Variants in MTCL2 observed in about 807,000 individuals in gnomAD.
MTCL2 encodes microtubule cross-linking factor 2.
the MTCL2 span, chr20:36,784,364 G>A: frequency 1.0e-6 from 1 of 985,870 alleles, no homozygotes; most frequent in African/African-American, 1.7e-5. Flanking sequence ...TCAGCCTGCA[G>A]GGAAGGGAGA....
chr20:36,836,892 G>A, the MTCL2 span, among the ~76,000 whole-genome samples: 1 of 152,178 alleles, frequency 6.6e-6, no homozygotes, highest in Non-Finnish European at 1.5e-5. Context: ...CCTGGAACAG[G>A]CACTCCTGTT....
the MTCL2 span, among the ~76,000 whole-genome samples, chr20:36,854,967 C>T: frequency 1.3e-5 from 2 of 152,098 alleles, no homozygotes. Flanking sequence ...TTTGGGGGTG[C>T]CCAAAATGCA....
chr20:36,801,787 G>A, the MTCL2 span, among the ~76,000 whole-genome samples: 3 of 147,906 alleles, frequency 2.0e-5, no homozygotes, highest in Non-Finnish European at 3.0e-5. Context: ...CCAACATGGT[G>A]AACCCCATCT....
chr20:36,796,028 C>G, the MTCL2 span, among the ~76,000 whole-genome samples: 1 of 152,180 alleles, frequency 6.6e-6, no homozygotes, highest in Non-Finnish European at 1.5e-5. Context: ...CTTTTATCGG[C>G]TGCTTTCCCT....
chr20:36,828,002 TG>T, the MTCL2 span, among the ~76,000 whole-genome samples: 2 of 152,068 alleles, frequency 1.3e-5, no homozygotes, highest in Non-Finnish European at 2.9e-5. Flanking sequence ...ACACACCCAG[TG>T]GGAAGGATGG....
At chr20:36,827,422 G>A in the MTCL2 span, among the ~76,000 whole-genome samples, 2 of 145,348 alleles carry the variant, frequency 1.4e-5, no homozygotes, top group Non-Finnish European at 3.0e-5. Context: ...GGAGTGCAGT[G>A]GTGCGATCTC....
the MTCL2 span, chr20:36,805,797 G>A: frequency 7.0e-7 from 1 of 1,423,772 alleles, no homozygotes; most frequent in Non-Finnish European, 9.5e-7. Flanking sequence ...ATTGATTACT[G>A]AGCAGACAAA....
the MTCL2 span, among the ~76,000 whole-genome samples, chr20:36,852,900 T>C: frequency 6.6e-6 from 1 of 151,128 alleles, no homozygotes; most frequent in Non-Finnish European, 1.5e-5. Context: ...CTACTAAAAA[T>C]ACAAAAATTA....
chr20:36,803,106 A>T, the MTCL2 span: 1 of 1,598,650 alleles, frequency 6.3e-7, no homozygotes, highest in Non-Finnish European at 8.5e-7. Context: ...CTTCAGCTCC[A>T]TCTGCGGAAA....
chr20:36,816,860 G>T, the MTCL2 span, among the ~76,000 whole-genome samples: 1 of 152,230 alleles, frequency 6.6e-6, no homozygotes, highest in Admixed American at 6.5e-5. Flanking sequence ...GGATTTGACT[G>T]TAGTGCTGCT....
At chr20:36,799,596 T>C in the MTCL2 span, among the ~76,000 whole-genome samples, 2 of 152,062 alleles carry the variant, frequency 1.3e-5, no homozygotes, top group Non-Finnish European at 2.9e-5. Context: ...GGTGGGAGGA[T>C]CACTTGAGCC....
chr20:36,813,313 TAAAAAAAAAAA>T, the MTCL2 span, among the ~76,000 whole-genome samples: 507 of 41,908 alleles, frequency 0.012, 12 homozygotes, highest in Non-Finnish European at 0.013. Flanking sequence ...ACTGTTTCTT[TAAAAAAAAAAA>T]AAAAAAAAAA....
chr20:36,788,970 C>A, the MTCL2 span, among the ~76,000 whole-genome samples: 1 of 152,058 alleles, frequency 6.6e-6, no homozygotes, highest in Non-Finnish European at 1.5e-5. Context: ...CCACGCCCGG[C>A]TAATTGTGTA....
the MTCL2 span, among the ~76,000 whole-genome samples, chr20:36,851,190 G>A: frequency 6.6e-6 from 1 of 151,890 alleles, no homozygotes; most frequent in African/African-American, 2.4e-5. Flanking sequence ...ATAATATATT[G>A]TACAGTATAT....
At chr20:36,811,339 T>C in the MTCL2 span, among the ~76,000 whole-genome samples, 41 of 152,280 alleles carry the variant, frequency 2.7e-4, no homozygotes, top group African/African-American at 9.9e-4. Context: ...AGAATAGGCC[T>C]ATTTCCTGGC....
At chr20:36,817,085 G>A in the MTCL2 span, among the ~76,000 whole-genome samples, 1 of 151,990 alleles carries the variant, frequency 6.6e-6, no homozygotes, top group South Asian at 2.1e-4. Flanking sequence ...TGGTCAACAC[G>A]GTGAAACCCT....
the MTCL2 span, among the ~76,000 whole-genome samples, chr20:36,843,111 C>T: frequency 7.7e-3 from 1,170 of 152,352 alleles, 16 homozygotes; most frequent in African/African-American, 0.027. Context: ...CCCCTCACCA[C>T]ACCCTCGCTG....
At chr20:36,861,919 T>C in the MTCL2 span, among the ~76,000 whole-genome samples, 2 of 152,334 alleles carry the variant, frequency 1.3e-5, no homozygotes, top group Non-Finnish European at 2.9e-5. Flanking sequence ...AGGTGGGCAG[T>C]TGCCCTCCTC....
chr20:36,843,384 A>G, the MTCL2 span, among the ~76,000 whole-genome samples: 2 of 152,126 alleles, frequency 1.3e-5, no homozygotes, highest in African/African-American at 4.8e-5. Context: ...TTTCCTGCCC[A>G]TCGGTTTGAC....
Sources: allele counts gnomAD v4.1 joint callset (sites outside exome capture counted in the v4.1 genomes callset), GRCh38; gene constraint gnomAD v4.1.1; transcripts MANE v1.5; gene names NCBI Gene and HGNC (gene_info 2026-07-23, HGNC 2026-07-21).